GRIK1: variants seen among roughly 807,000 people sequenced by gnomAD.
GRIK1 encodes glutamate receptor ionotropic, kainate 1.
A neutral mutation model predicts 105.7 loss-of-function variants in GRIK1; 69 were observed. That is an observed-to-expected ratio of 0.65 (90% CI 0.54 to 0.80). The LOEUF is 0.80. Ranked by LOEUF, GRIK1 falls within the 30% of genes least tolerant of loss-of-function variation. GRIK1 has a pLI of 0.00. For synonymous variants in GRIK1, 438 were observed against 431.3 expected (o/e 1.02, Z -0.19); for missense variants, 1,109 against 1,167.3 (o/e 0.95, Z 0.73).
At chr21:29,693,472 T>C (rs1218579251) in intron 2 of GRIK1, among the ~76,000 whole-genome samples, 1 of 152,174 alleles carries the variant, frequency 6.6e-6, no homozygotes, top group Non-Finnish European at 1.5e-5. Flanking sequence ...GTAAACTCAG[T>C]AGTTTACAAC....
chr21:29,909,400 T>A (rs1055066889), intron 1 of GRIK1, among the ~76,000 whole-genome samples: 19 of 151,978 alleles, frequency 1.3e-4, no homozygotes, highest in Admixed American at 9.8e-4. Flanking sequence ...CTGAGAGATC[T>A]CTGGTCATTA....
intron 1 of GRIK1, among the ~76,000 whole-genome samples, chr21:29,752,362 G>A (rs1173484876): frequency 1.3e-5 from 2 of 152,140 alleles, no homozygotes; most frequent in Admixed American, 6.6e-5. Flanking sequence ...TAATTTTGTT[G>A]AGGTCTTACA....
chr21:29,922,097 G>A (rs902629756), intron 1 of GRIK1, among the ~76,000 whole-genome samples: 5 of 151,982 alleles, frequency 3.3e-5, no homozygotes, highest in Non-Finnish European at 5.9e-5. Context: ...GCCTTTTTCC[G>A]CTCTTGGGTT....
chr21:29,695,901 G>C (rs767576912), intron 1 of GRIK1, among the ~76,000 whole-genome samples: 19 of 151,858 alleles, frequency 1.3e-4, no homozygotes, highest in Non-Finnish European at 2.5e-4. Flanking sequence ...CATTCAAAGG[G>C]GGAAAAAAAA....
chr21:29,661,294 C>T (rs765270190), intron 4 of GRIK1, among the ~76,000 whole-genome samples: 9 of 152,162 alleles, frequency 5.9e-5, no homozygotes, highest in African/African-American at 1.7e-4. Context: ...AAGATGTCTA[C>T]GTCCTAATTC....
At chr21:29,936,492 A>T (rs543976640) in intron 1 of GRIK1, among the ~76,000 whole-genome samples, 1 of 152,318 alleles carries the variant, frequency 6.6e-6, no homozygotes, top group Admixed American at 6.5e-5. Flanking sequence ...CTGGTTGTTG[A>T]TATACACTGG....
chr21:29,790,958 T>C (rs971940866), intron 1 of GRIK1, among the ~76,000 whole-genome samples: 1 of 152,040 alleles, frequency 6.6e-6, no homozygotes, highest in African/African-American at 2.4e-5. Flanking sequence ...AACAGGGTAA[T>C]AGAAAGATGC....
intron 1 of GRIK1, among the ~76,000 whole-genome samples, chr21:29,732,682 G>C (rs545671825): frequency 2.0e-4 from 31 of 152,232 alleles, no homozygotes; most frequent in South Asian, 1.0e-3. Context: ...TCAGAGGATT[G>C]GGAGAGAATA....
At chr21:29,733,002 T>C (rs1204976893) in intron 1 of GRIK1, among the ~76,000 whole-genome samples, 2 of 152,194 alleles carry the variant, frequency 1.3e-5, no homozygotes, top group Non-Finnish European at 2.9e-5. Flanking sequence ...GCATGTGGCA[T>C]TGAACTTAAT....
At chr21:29,771,365 G>T (rs2065808208) in intron 1 of GRIK1, among the ~76,000 whole-genome samples, 1 of 152,138 alleles carries the variant, frequency 6.6e-6, no homozygotes, top group Non-Finnish European at 1.5e-5. Context: ...TGGAGTAAGA[G>T]AAATAAAATA....
intron 10 of GRIK1, 26 bp from the exon 11 acceptor site, chr21:29,589,068 AACCC>A (rs1307605123): frequency 1.4e-5 from 17 of 1,241,560 alleles, no homozygotes; most frequent in Non-Finnish European, 1.9e-5. Context: ...CAAATATGAA[AACCC>A]TGTTATAATG....
intron 1 of GRIK1, among the ~76,000 whole-genome samples, chr21:29,824,705 T>C (rs1439305568): frequency 6.7e-6 from 1 of 148,948 alleles, no homozygotes; most frequent in Non-Finnish European, 1.5e-5. Flanking sequence ...TGCACGTGAA[T>C]TCAGAGGACG....
At chr21:29,838,936 T>G (rs1569147767) in intron 1 of GRIK1, among the ~76,000 whole-genome samples, 2 of 152,172 alleles carry the variant, frequency 1.3e-5, no homozygotes, top group African/African-American at 2.4e-5. Context: ...TTTCACTATT[T>G]GGTGGACAAG....
intron 9 of GRIK1, among the ~76,000 whole-genome samples, chr21:29,591,511 TAAATG>T (rs1433975559): frequency 2.0e-5 from 3 of 152,176 alleles, no homozygotes; most frequent in African/African-American, 4.8e-5. Context: ...TAAGAATTCT[TAAATG>T]AATATCAGAT....
intron 1 of GRIK1, among the ~76,000 whole-genome samples, chr21:29,825,919 A>G (rs1230185283): frequency 6.6e-6 from 1 of 152,008 alleles, no homozygotes; most frequent in Admixed American, 6.6e-5. Flanking sequence ...CCCCACACAA[A>G]CCTGCCTGGT....
intron 7 of GRIK1, chr21:29,601,204 G>A (rs748968770): frequency 2.0e-6 from 1 of 508,542 alleles, no homozygotes; most frequent in Non-Finnish European, 4.0e-6. Flanking sequence ...GAGGAAGAGA[G>A]CATTTACTCT....
chr21:29,574,677 A>G (rs899964332), intron 14 of GRIK1, among the ~76,000 whole-genome samples: 4 of 147,744 alleles, frequency 2.7e-5, no homozygotes, highest in African/African-American at 7.5e-5. Context: ...AATAAATGAT[A>G]CACTTCTTTT....
chr21:29,656,643 C>G (rs1399847949), intron 4 of GRIK1, among the ~76,000 whole-genome samples: 4 of 152,092 alleles, frequency 2.6e-5, no homozygotes, highest in Admixed American at 6.6e-5. Flanking sequence ...ACTTTCAGAT[C>G]TTCAGTTGAA....
intron 1 of GRIK1, among the ~76,000 whole-genome samples, chr21:29,912,946 A>G (rs545683810): frequency 2.6e-5 from 4 of 152,144 alleles, no homozygotes; most frequent in African/African-American, 9.6e-5. Flanking sequence ...TGGCACAAGA[A>G]TCCAGAAATA....
Sources: allele counts gnomAD v4.1 joint callset (sites outside exome capture counted in the v4.1 genomes callset), GRCh38; gene constraint gnomAD v4.1.1; transcripts MANE v1.5; gene names NCBI Gene and HGNC (gene_info 2026-07-23, HGNC 2026-07-21).